Variants in SSH1 observed in about 807,000 individuals in gnomAD.
The protein encoded by SSH1 is protein phosphatase Slingshot homolog 1.
SSH1 carries 43 observed loss-of-function variants against 79.7 expected under a neutral mutation model. The observed-to-expected ratio is 0.54, with a 90% confidence interval of 0.42 to 0.70. SSH1 has a LOEUF of 0.70. Among genes scored for constraint, SSH1 ranks in the 30% least tolerant of loss-of-function variants. SSH1 has a pLI of 0.00. For synonymous variants in SSH1, 599 were observed against 538.3 expected (o/e 1.11, Z -1.56); for missense variants, 1,206 against 1,358.8 (o/e 0.89, Z 1.77).
intron 1 of SSH1, among the ~76,000 whole-genome samples, chr12:108,855,669 T>A (rs1298365210): frequency 1.3e-5 from 2 of 152,170 alleles, no homozygotes; most frequent in Non-Finnish European, 2.9e-5. Flanking sequence ...TGAGATTAAG[T>A]GCATAAATTG....
intron 5 of SSH1, among the ~76,000 whole-genome samples, chr12:108,815,859 G>T (rs1473697696): frequency 6.6e-6 from 1 of 152,178 alleles, no homozygotes; most frequent in Non-Finnish European, 1.5e-5. Flanking sequence ...TGTCATAAAA[G>T]AAATGTCCTC....
At chr12:108,834,569 G>A (rs747355131) in intron 2 of SSH1, among the ~76,000 whole-genome samples, 7 of 152,180 alleles carry the variant, frequency 4.6e-5, no homozygotes, top group Non-Finnish European at 8.8e-5. Context: ...TGGGTTCTGC[G>A]GGTGCTTAAG....
intron 2 of SSH1, among the ~76,000 whole-genome samples, chr12:108,838,315 G>A (rs1375390029): frequency 6.6e-6 from 1 of 152,208 alleles, no homozygotes; most frequent in Admixed American, 6.5e-5. Context: ...CAGAACAGAA[G>A]TGGCCCTGTT....
In SSH1 at chr12:108,807,870, G is replaced by A. The variant is rs777524872; in HGVS notation, c.537-43C>T. 3.8e-6 allele frequency: 6 copies of A among 1,586,010 alleles called. No individual in the cohort carries two copies. The African/African-American group carries it at 6.7e-5, about 18-fold the overall frequency. On this transcript the variant is annotated intron_variant, in intron 7 of 14. Transcript: ENST00000326495. This position sits in a 1 kb window ranked among gnomAD's most constrained non-coding sequence, Gnocchi z 5.2. ...CAGGGTCAGGCCTGGGAAGGCACAA[G>A]AGATGCAGGGTTTTCTCCTCTGACA...
chr12:108,837,740 T>G (rs575625158), intron 2 of SSH1, among the ~76,000 whole-genome samples: 2 of 152,224 alleles, frequency 1.3e-5, no homozygotes, highest in African/African-American at 4.8e-5. Context: ...ATTAATCATT[T>G]GTATGTGTTG....
intron 2 of SSH1, among the ~76,000 whole-genome samples, chr12:108,832,598 C>A (rs1029560811): frequency 6.6e-6 from 1 of 152,124 alleles, no homozygotes; most frequent in Non-Finnish European, 1.5e-5. Flanking sequence ...TAAAGGAGAT[C>A]GAAAATTCAC....
intron 3 of SSH1, among the ~76,000 whole-genome samples, chr12:108,819,519 A>C (rs2038036215): frequency 6.6e-6 from 1 of 152,158 alleles, no homozygotes; most frequent in Non-Finnish European, 1.5e-5. Context: ...TTTCTGAAGA[A>C]AGGGTCATCT....
At chr12:108,802,769 C>T (rs560747003) in intron 10 of SSH1, among the ~76,000 whole-genome samples, 3 of 152,310 alleles carry the variant, frequency 2.0e-5, no homozygotes, top group East Asian at 1.9e-4. Context: ...AAGCAGGAAT[C>T]GTTCTACCTT....
rs2036283078 is a variant in SSH1, at chr12:108,786,639, G to A, written c.*1349C>T. 6.6e-6 allele frequency: 1 copy of A among 152,206 alleles called. No homozygotes were observed. Among genetic ancestry groups the A allele is most frequent in the Admixed American group, 6.5e-5 (1 of 15,278 alleles). 9.4% of individuals were successfully genotyped at this position (152,206 alleles called of 1,614,324 possible). A position where few individuals can be genotyped will look rare whatever the true frequency, so the allele number is the denominator to read the frequency against. On this transcript the variant is annotated 3_prime_UTR_variant, in exon 15 of 15. Coordinates refer to ENST00000326495, the MANE Select transcript of SSH1 (RefSeq NM_018984.4). ...GTTGATGCTGCAGTGAGTCATGATT[G>A]CACTACTGTACTCCAGCCTAGGTGA...
intron 3 of SSH1, among the ~76,000 whole-genome samples, chr12:108,822,730 C>A (rs1372441121): frequency 6.6e-6 from 1 of 152,192 alleles, no homozygotes; most frequent in African/African-American, 2.4e-5. Flanking sequence ...TTGATCCTCA[C>A]CCTATTACTT....
At chr12:108,827,267 T>C (rs1316412726) in intron 2 of SSH1, 42 of 1,549,124 alleles carry the variant, frequency 2.7e-5, no homozygotes, top group Non-Finnish European at 3.5e-5. Context: ...ACGTACTAAT[T>C]TGAGCTGGAA....
At chr12:108,800,423 A>AG (rs1287909206) in intron 12 of SSH1, among the ~76,000 whole-genome samples, 3 of 152,058 alleles carry the variant, frequency 2.0e-5, no homozygotes, top group Non-Finnish European at 4.4e-5. Flanking sequence ...GTGACTTCCT[A>AG]GGGGTGGGGC....
chr12:108,816,791 G>A lies in SSH1; in HGVS notation c.401+247C>T, dbSNP rs915071015. ...AGCAGCTGGTGTAAAACCTCTCTAA[G>A]CAAACAGCATAACTTTCTGTCCTCT... is the stretch of plus-strand genomic sequence containing the variant. On this transcript the variant is annotated intron_variant, in intron 5 of 14. Transcript: ENST00000326495. 4.8e-5 allele frequency among the ~76,000 whole-genome samples: 7 copies of A among 144,620 alleles called. 1 individual carries two copies. The highest frequency in any genetic ancestry group is 7.1e-5 in the Admixed American group (1 of 14,114). 94.9% of individuals were successfully genotyped at this position (144,620 alleles called of 152,430 possible).
In SSH1 at chr12:108,852,859, G is replaced by A. The variant is rs147620507; in HGVS notation, c.70-181C>T. On this transcript the variant is annotated intron_variant, in intron 1 of 14. Coordinates refer to ENST00000326495, the MANE Select transcript of SSH1 (RefSeq NM_018984.4). ...CGGTCTGTCCCTTGGAGTCATTTCC[G>A]TGGGGGAATTTTCAGGTTTCCAAAT... The A allele has an allele frequency of 1.8e-3, 1,799 of 985,386 alleles. 5 individuals are homozygous for A. The highest frequency in any genetic ancestry group is 4.7e-3 in the Middle Eastern group (9 of 1,914). 61.0% of individuals were successfully genotyped at this position (985,386 alleles called of 1,614,324 possible).
At chr12:108,818,200 C>T (rs752984845) in intron 4 of SSH1, 49 bp downstream of exon 4, 16 of 1,562,576 alleles carry the variant, frequency 1.0e-5, no homozygotes, top group Non-Finnish European at 1.4e-5. Flanking sequence ...CCTCATCTCA[C>T]AAAAATTAAA....
rs1205460322 is a variant in SSH1, at chr12:108,778,645, T to C, written c.*9343A>G. ...AGGTAGTGTGCCAGGCAGAAGGGGATTTGCATGCATTATCAGTGAATTCAC... is the reference window on the plus strand; with the variant it reads ...AGGTAGTGTGCCAGGCAGAAGGGGACTTGCATGCATTATCAGTGAATTCAC... On this transcript the variant is annotated 3_prime_UTR_variant, in exon 15 of 15. Coordinates refer to ENST00000326495, the MANE Select transcript of SSH1 (RefSeq NM_018984.4). 6.6e-6 allele frequency: 1 copy of C among 152,246 alleles called. No individual in the cohort carries two copies. The highest frequency in any genetic ancestry group is 1.5e-5 in the Non-Finnish European group (1 of 68,156). The allele number at this position is 152,246 out of a possible 1,614,324, so 9.4% of individuals were successfully genotyped here.
chr12:108,809,456 CAAA>C (rs200047288), intron 7 of SSH1, among the ~76,000 whole-genome samples: 3 of 114,216 alleles, frequency 2.6e-5, no homozygotes, highest in Admixed American at 9.1e-5. Flanking sequence ...GACCCTGTCT[CAAA>C]AAAAAAAAAA....
chr12:108,837,964 T>G (rs937819158), intron 2 of SSH1, among the ~76,000 whole-genome samples: 1 of 152,032 alleles, frequency 6.6e-6, no homozygotes, highest in Admixed American at 6.6e-5. Context: ...TTAATTTTTT[T>G]GTAGAGACAG....
intron 2 of SSH1, among the ~76,000 whole-genome samples, chr12:108,833,142 G>A (rs780759910): frequency 2.0e-5 from 3 of 151,880 alleles, no homozygotes; most frequent in East Asian, 1.9e-4. Flanking sequence ...CAGCGAGCTC[G>A]CAAAAGCAAG....
Sources: gnomAD v4.1 joint callset for allele counts (sites outside exome capture counted in the v4.1 genomes callset) on GRCh38, gnomAD v4.1.1 for gene constraint, Gnocchi (gnomAD v3.1) non-coding constraint, MANE v1.5 for transcripts, NCBI Gene and HGNC (gene_info 2026-07-23, HGNC 2026-07-21) for gene names.